Variants in MAP3K1 observed in about 807,000 individuals in gnomAD.
The protein encoded by MAP3K1 is MAP/ERK kinase kinase 1.
A neutral mutation model predicts 144.2 loss-of-function variants in MAP3K1; 36 were observed. The ratio of observed to expected loss-of-function variants is 0.25; its 90% confidence interval spans 0.19 to 0.33. The LOEUF is 0.33. Among genes scored for constraint, MAP3K1 ranks in the 10% least tolerant of loss-of-function variants. The pLI, the probability that MAP3K1 is intolerant of heterozygous loss-of-function variation, is 1.00. For missense variants in MAP3K1, 1,650 were observed against 1,881.9 expected, an observed-to-expected ratio of 0.88 and a Z score of 2.28; for synonymous variants, 718 against 688.7, an observed-to-expected ratio of 1.04 and a Z score of -0.67.
At chr5:56,869,042 A>G (rs1747770049) in intron 6 of MAP3K1, among the ~76,000 whole-genome samples, 3 of 151,884 alleles carry the variant, frequency 2.0e-5, no homozygotes, top group African/African-American at 7.3e-5. Flanking sequence ...AGGTGGGAGG[A>G]TATGTTGACC....
In MAP3K1 at chr5:56,896,050, G is replaced by A; in HGVS notation, c.*2370G>A. 1 of 222,768 alleles carries A rather than the reference G, an allele frequency of 4.5e-6. No homozygotes were observed. The highest frequency in any genetic ancestry group is 6.5e-5 in the East Asian group (1 of 15,460). 13.8% of individuals were successfully genotyped at this position (222,768 alleles called of 1,614,324 possible). A position where few individuals can be genotyped will look rare whatever the true frequency, so the allele number is the denominator to read the frequency against. Reference sequence around the variant, plus strand: ...TATCCTTTGTTATTTTAAATATATTGAGATATTTTAATTAAAATTTTTACC... The same window carrying A: ...TATCCTTTGTTATTTTAAATATATTAAGATATTTTAATTAAAATTTTTACC... On this transcript the variant is annotated 3_prime_UTR_variant, in exon 20 of 20. Coordinates refer to ENST00000399503, the MANE Select transcript of MAP3K1 (RefSeq NM_005921.2).
At chr5:56,857,886 A>G (rs1470684250) in intron 2 of MAP3K1, among the ~76,000 whole-genome samples, 1 of 152,168 alleles carries the variant, frequency 6.6e-6, no homozygotes, top group Non-Finnish European at 1.5e-5. Context: ...AACCGATGGA[A>G]TTATACAGAA....
Position 56,884,727 on chromosome 5 carries a change from A to G in MAP3K1, c.3883A>G (p.Ile1295Val), listed in dbSNP as rs1748328339. 4 of 1,613,758 alleles carry G rather than the reference A, an allele frequency of 2.5e-6. No individual in the cohort carries two copies. Among genetic ancestry groups the G allele is most frequent in the East Asian group, 2.2e-5 (1 of 44,816 alleles). ...EEVVEALREE[I>V]RMMSHLNHPN... is the part of the protein sequence containing the mutation. ...AGTAGTAGAAGCACTAAGAGAAGAG[A>G]TAAGAATGATGAGCCATCTGAATCA... The change falls in exon 16 of 20, where the codon ATA becomes GTA. Residue 1295 changes from isoleucine to valine, a missense_variant. Around this residue, in one of 6 missense-constraint regions of MAP3K1, gnomAD observed 165 missense variants for 322.9 expected, o/e 0.51. Transcript: ENST00000399503.
chr5:56,833,908 G>A (rs1746569129), intron 1 of MAP3K1, among the ~76,000 whole-genome samples: 1 of 152,068 alleles, frequency 6.6e-6, no homozygotes. Flanking sequence ...ATGCCTGCCT[G>A]TCACATGTGG....
chr5:56,832,724 T>C (rs1160120401), intron 1 of MAP3K1, among the ~76,000 whole-genome samples: 1 of 152,242 alleles, frequency 6.6e-6, no homozygotes, highest in Non-Finnish European at 1.5e-5. Context: ...GGAAAAATTA[T>C]TCATTTCTTT....
chr5:56,866,074 T>C, intron 6 of MAP3K1, 97 bp downstream of exon 6: 2 of 1,049,174 alleles, frequency 1.9e-6, no homozygotes, highest in East Asian at 2.5e-5. Flanking sequence ...TCTAAAATGA[T>C]TTAATTATTG....
intron 11 of MAP3K1, among the ~76,000 whole-genome samples, chr5:56,879,513 T>G (rs1354198821): frequency 2.0e-5 from 3 of 152,130 alleles, no homozygotes; most frequent in Non-Finnish European, 4.4e-5. Context: ...AATTAACAAA[T>G]CCATCTCATT....
At chr5:56,838,131 C>T (rs1318070940) in intron 1 of MAP3K1, among the ~76,000 whole-genome samples, 4 of 152,078 alleles carry the variant, frequency 2.6e-5, no homozygotes, top group Admixed American at 6.5e-5. Flanking sequence ...AACTTTGGTC[C>T]GGTATCAGTC....
intron 6 of MAP3K1, among the ~76,000 whole-genome samples, chr5:56,867,518 T>C (rs1318781908): frequency 6.6e-6 from 1 of 152,024 alleles, no homozygotes; most frequent in Non-Finnish European, 1.5e-5. Context: ...AAAAAGAATT[T>C]TAAGGGGCTA....
intron 3 of MAP3K1, 23 bp from the exon 4 acceptor site, chr5:56,864,711 T>C (rs1456580097): frequency 6.2e-7 from 1 of 1,612,232 alleles, no homozygotes; most frequent in South Asian, 1.1e-5. Flanking sequence ...GAAACGTACC[T>C]AATAAAAAAA....
chr5:56,815,930 C>CGGCGGCGCCCACCTTACCGAGTCGGT lies in MAP3K1; in HGVS notation c.367_392dup (p.Asp132ThrfsTer62). ...CGCCGCCCCACGGAGCCGCGAGCCGCGGCGGCGCCCACCTTACCGAGTCGG... is the reference window on the plus strand; with the variant it reads ...CGCCGCCCCACGGAGCCGCGAGCCGCGGCGGCGCCCACCTTACCGAGTCGGTGGCGGCGCCCACCTTACCGAGTCGG... On this transcript the variant is annotated frameshift_variant, in exon 1 of 20. Transcript: ENST00000399503. LOFTEE classifies it high-confidence loss of function. The CGGCGGCGCCCACCTTACCGAGTCGGT allele has an allele frequency of 7.9e-7, 1 of 1,260,792 alleles. No individual in the cohort carries two copies. Among genetic ancestry groups the CGGCGGCGCCCACCTTACCGAGTCGGT allele is most frequent in the Non-Finnish European group, 9.9e-7 (1 of 1,005,526 alleles). The allele number at this position is 1,260,792 out of a possible 1,614,324, so 78.1% of individuals were successfully genotyped here. A position where few individuals can be genotyped will look rare whatever the true frequency, so the allele number is the denominator to read the frequency against.
At chr5:56,871,066 T>C (rs2111908888) in intron 6 of MAP3K1, among the ~76,000 whole-genome samples, 1 of 152,320 alleles carries the variant, frequency 6.6e-6, no homozygotes, top group Admixed American at 6.5e-5. Flanking sequence ...TATTAGTATT[T>C]TTCTAACTGA....
intron 19 of MAP3K1, among the ~76,000 whole-genome samples, chr5:56,888,762 AGACTAAGCTATAATGTTTGGCAG>A (rs1279180514): frequency 2.0e-5 from 3 of 152,338 alleles, no homozygotes; most frequent in Admixed American, 2.0e-4. Flanking sequence ...AAGGTAGGCC[AGACTAAGCTATAATGTTTGGCAG>A]GTTAGGTGTA....
At chr5:56,852,515 C>T (rs916245505) in intron 1 of MAP3K1, among the ~76,000 whole-genome samples, 2 of 152,104 alleles carry the variant, frequency 1.3e-5, no homozygotes, top group African/African-American at 4.8e-5. Context: ...AACCAAGAAA[C>T]CTCATGTTTC....
intron 9 of MAP3K1, 26 bp from the exon 10 acceptor site, chr5:56,875,006 G>A (rs763614681): frequency 5.0e-6 from 8 of 1,613,304 alleles, no homozygotes; most frequent in Admixed American, 3.3e-5. Context: ...TCTTTACATT[G>A]AATTCATCGT....
At position 56,894,016 on chromosome 5, in the gene MAP3K1, G is replaced by T; in HGVS notation, c.*336G>T. On this transcript the variant is annotated 3_prime_UTR_variant, in exon 20 of 20. Coordinates refer to ENST00000399503, the MANE Select transcript of MAP3K1 (RefSeq NM_005921.2). ...TTTCAGCAATATTAGCGGCTGAGGG[G>T]CTCAGGATCTATTTTAATATTTCAA... The T allele has an allele frequency of 2.5e-6, 1 of 403,848 alleles. No homozygotes were observed. The highest frequency in any genetic ancestry group is 2.9e-5 in the South Asian group (1 of 34,316). 25.0% of individuals were successfully genotyped at this position (403,848 alleles called of 1,614,324 possible). A position where few individuals can be genotyped will look rare whatever the true frequency, so the allele number is the denominator to read the frequency against.
chr5:56,882,463 G>T lies in MAP3K1; in HGVS notation c.3263G>T (p.Ser1088Ile). Residue 1088 changes from serine to isoleucine, a missense_variant, in exon 14 of 20, where the codon AGT (serine) becomes ATT (isoleucine). Around this residue, in one of 6 missense-constraint regions of MAP3K1, gnomAD observed 841 missense variants for 886.5 expected, o/e 0.95. Transcript: ENST00000399503. ...AGCATGACACTTGATCTGAACAGTAGTTCCAAATGTGATGACAGCTTTGGC... is the reference window on the plus strand; with the variant it reads ...AGCATGACACTTGATCTGAACAGTATTTCCAAATGTGATGACAGCTTTGGC... ...KNSMTLDLNS[S>I]SKCDDSFGCS... 1 of 1,614,144 alleles carries T rather than the reference G, an allele frequency of 6.2e-7. No individual in the cohort carries two copies. Among genetic ancestry groups the T allele is most frequent in the Non-Finnish European group, 8.5e-7 (1 of 1,180,020 alleles).
At chr5:56,847,608 A>G (rs1209176714) in intron 1 of MAP3K1, among the ~76,000 whole-genome samples, 1 of 152,246 alleles carries the variant, frequency 6.6e-6, no homozygotes, top group East Asian at 1.9e-4. Context: ...CAAAAAAAGT[A>G]ACACTTTTCC....
intron 1 of MAP3K1, among the ~76,000 whole-genome samples, chr5:56,819,525 A>G (rs73759209): frequency 0.015 from 2,241 of 152,212 alleles, 63 homozygotes; most frequent in African/African-American, 0.051. Context: ...GGAAGAAATG[A>G]GGGGGTGGCA....
Sources: gnomAD v4.1 joint callset for allele counts (sites outside exome capture counted in the v4.1 genomes callset) on GRCh38, gnomAD v4.1.1 for gene constraint, gnomAD v4.1.1 regional missense constraint, MANE v1.5 for transcripts, NCBI Gene and HGNC (gene_info 2026-07-23, HGNC 2026-07-21) for gene names.